NOTCH1: variants seen among roughly 807,000 people sequenced by gnomAD.
NOTCH1 encodes the protein notch receptor 1.
In NOTCH1, 37 loss-of-function variants were observed where a neutral mutation model predicts 254.8. The observed-to-expected ratio is 0.15, with a 90% confidence interval of 0.11 to 0.19. NOTCH1 has a LOEUF of 0.19. Ranked by LOEUF, NOTCH1 falls within the 10% of genes least tolerant of loss-of-function variation. The pLI is 1.00. For missense variants in NOTCH1, 2,972 were observed against 3,708.6 expected (o/e 0.80, Z 5.16); for synonymous variants, 1,731 against 1,618.1 (o/e 1.07, Z -1.68).
intron 2 of NOTCH1, among the ~76,000 whole-genome samples, chr9:136,530,368 G>A (rs972945308): frequency 3.3e-5 from 5 of 152,232 alleles, no homozygotes; most frequent in African/African-American, 1.2e-4. Flanking sequence ...GCGGGATGGG[G>A]ACAGAACCTG....
chr9:136,534,355 T>C (rs1348682485), intron 2 of NOTCH1, among the ~76,000 whole-genome samples: 1 of 152,168 alleles, frequency 6.6e-6, no homozygotes, highest in Non-Finnish European at 1.5e-5. Flanking sequence ...CACAATGGAC[T>C]CCGAGGCCAG....
intron 2 of NOTCH1, among the ~76,000 whole-genome samples, chr9:136,536,037 A>G (rs370117881): frequency 6.0e-5 from 9 of 149,556 alleles, no homozygotes; most frequent in South Asian, 4.3e-4. Flanking sequence ...GGTACAGGGT[A>G]GGGGGGCGCA....
Position 136,506,411 on chromosome 9 carries a change from GGA to G in NOTCH1, c.4014+114_4014+115del. ...AAAAAAAAAAAAGACATCAGGGTGA[GGA>G]GGAGGATGAAGGCCGGGAGGATCAC... On this transcript the variant is annotated intron_variant, in intron 24 of 33. Coordinates refer to ENST00000651671, the MANE Select transcript of NOTCH1 (RefSeq NM_017617.5). This position sits in a 1 kb window ranked among gnomAD's most constrained non-coding sequence, Gnocchi z 4.5. 6.6e-6 allele frequency: 5 copies of G among 758,740 alleles called. No homozygotes were observed. The highest frequency in any genetic ancestry group is 8.7e-6 in the Non-Finnish European group (4 of 460,656). 47.0% of individuals were successfully genotyped at this position (758,740 alleles called of 1,614,324 possible).
Position 136,504,891 on chromosome 9 carries a change from C to T in NOTCH1, c.4800G>A (p.Leu1600=), listed in dbSNP as rs761609069. ...CACGCTTGAAGACCACGTTGGTGTG[C>T]AGCACGCGGCTGAGCTCCCGCAGGA... ...FHFLRELSRV[L]HTNVVFKRDA... The change falls in exon 26 of 34, where the codon CTG becomes CTA. Residue 1600 remains leucine, a synonymous_variant. Coordinates refer to ENST00000651671, the MANE Select transcript of NOTCH1 (RefSeq NM_017617.5). 4.4e-5 allele frequency: 69 copies of T among 1,584,298 alleles called. No homozygotes were observed. Among genetic ancestry groups the T allele is most frequent in the Non-Finnish European group, 5.2e-5 (61 of 1,165,864 alleles).
rs760227470 is a variant in NOTCH1 at position 136,509,834 on chromosome 9, G to A, written c.2868C>T (p.Asn956=). 148 of 1,613,108 alleles carry A rather than the reference G, an allele frequency of 9.2e-5. 1 individual carries two copies. Among genetic ancestry groups the A allele is most frequent in the Non-Finnish European group, 1.2e-4 (138 of 1,180,044 alleles). ...CCACGCAGTCCGTGCAGTTGGCCCC[G>A]TTGCGGCAGGGGTCACTGGCACACT... ...INECASDPCR[N]GANCTDCVDS... The change falls in exon 18 of 34, where the codon AAC becomes AAT. Residue 956 remains asparagine, a synonymous_variant. Coordinates refer to ENST00000651671, the MANE Select transcript of NOTCH1 (RefSeq NM_017617.5).
intron 2 of NOTCH1, chr9:136,543,471 G>A (rs1336876000): frequency 2.1e-5 from 5 of 239,504 alleles, no homozygotes; most frequent in East Asian, 1.4e-4. Flanking sequence ...AGGCATTGCC[G>A]CCAGCCCAGG....
chr9:136,513,060 C>A lies in NOTCH1; in HGVS notation c.2428G>T (p.Val810Phe). 3.7e-6 allele frequency: 6 copies of A among 1,600,006 alleles called. No homozygotes were observed. The highest frequency in any genetic ancestry group is 5.1e-6 in the Non-Finnish European group (6 of 1,172,914). ...CLNQGTCIDD[V>F]AGYKCNCLLP... ...AGGCAGTTGCACTTGTACCCGGCAA[C>A]GTCGTCAATACACGTGCCCTGGTTC... Residue 810 changes from valine to phenylalanine, a missense_variant, in exon 15 of 34, where the codon GTT (valine) becomes TTT (phenylalanine). Around this residue, in one of 8 missense-constraint regions of NOTCH1, gnomAD observed 1,343 missense variants for 1,557.0 expected, o/e 0.86. Coordinates refer to ENST00000651671, the MANE Select transcript of NOTCH1 (RefSeq NM_017617.5). This position sits in a 1 kb window ranked among gnomAD's most constrained non-coding sequence, Gnocchi z 4.7.
At chr9:136,538,411 G>A (rs1297176267) in intron 2 of NOTCH1, among the ~76,000 whole-genome samples, 1 of 152,216 alleles carries the variant, frequency 6.6e-6, no homozygotes, top group Non-Finnish European at 1.5e-5. Flanking sequence ...ATCACATACA[G>A]ATGGGGAAAC....
chr9:136,521,503 G>C (rs564286951), intron 4 of NOTCH1, among the ~76,000 whole-genome samples: 2 of 152,234 alleles, frequency 1.3e-5, no homozygotes, highest in South Asian at 2.1e-4. Flanking sequence ...CTGCACACAG[G>C]TGGCCTTGGA....
In NOTCH1 at chr9:136,508,396, A is replaced by G. The variant is rs750654565; in HGVS notation, c.3172-11T>C. 6.2e-7 allele frequency: 1 copy of G among 1,613,076 alleles called. No homozygotes were observed. Among genetic ancestry groups the G allele is most frequent in the Admixed American group, 1.7e-5 (1 of 60,020 alleles). On this transcript the variant is annotated splice_polypyrimidine_tract_variant and intron_variant, in intron 19 of 33. Coordinates refer to ENST00000651671, the MANE Select transcript of NOTCH1 (RefSeq NM_017617.5). ...CCAGTGCACAAGGTTCTGGGGACAG[A>G]TTGGGGTCAGCTGGGTGCCCGCGCC... is the stretch of plus-strand genomic sequence containing the variant.
At chr9:136,528,997 G>T (rs1843517428) in intron 2 of NOTCH1, among the ~76,000 whole-genome samples, 2 of 152,030 alleles carry the variant, frequency 1.3e-5, no homozygotes, top group South Asian at 4.1e-4. Flanking sequence ...GGGGCTTTCT[G>T]CCCAGAGGGG....
chr9:136,510,587 A>C (rs1260757805), intron 17 of NOTCH1, 66 bp downstream of exon 17: 2 of 1,553,682 alleles, frequency 1.3e-6, no homozygotes, highest in Non-Finnish European at 1.7e-6. Flanking sequence ...ATGCGCACCA[A>C]CCCTGCCCGG....
Position 136,496,168 on chromosome 9 carries a change from G to A in NOTCH1, c.7571C>T (p.Ser2524Phe), listed in dbSNP as rs2133314096. ...CCAGTCGGAGACGTTGGAATGCGGGGACGAGCTGGACCACTGGTCAGGGGA... is the reference window on the plus strand; with the variant it reads ...CCAGTCGGAGACGTTGGAATGCGGGAACGAGCTGGACCACTGGTCAGGGGA... ...PESPDQWSSSSPHSNVSDWSE... is the reference protein window; with the variant it reads ...PESPDQWSSSFPHSNVSDWSE... Residue 2524 changes from serine (S) to phenylalanine (F), a missense_variant, in exon 34 of 34, where the codon TCC becomes TTC. This residue lies in a region of NOTCH1 where 85 missense variants were observed against 126.1 expected (regional missense o/e 0.67). Transcript: ENST00000651671. The A allele has an allele frequency of 6.2e-7, 1 of 1,610,380 alleles. No individual in the cohort carries two copies. Among genetic ancestry groups the A allele is most frequent in the Non-Finnish European group, 8.5e-7 (1 of 1,179,496 alleles).
Position 136,545,730 on chromosome 9 carries a change from T to C in NOTCH1, c.57A>G (p.Ala19=). 1 of 1,427,044 alleles carries C rather than the reference T, an allele frequency of 7.0e-7. No homozygotes were observed. The highest frequency in any genetic ancestry group is 9.1e-7 in the Non-Finnish European group (1 of 1,094,672). The allele number at this position is 1,427,044 out of a possible 1,614,324, so 88.4% of individuals were successfully genotyped here. A position where few individuals can be genotyped will look rare whatever the true frequency, so the allele number is the denominator to read the frequency against. The stretch of plus-strand genomic sequence containing the variant: ...CGCGGGTGGGTGGGCGCCTACCTCG[T>C]GCGGCGAGCGCGGGCAGCAGCGCCA... ...LCLALLPALA[A]RGPRCSQPGE... is the part of the protein sequence containing the mutation. Residue 19 remains alanine, a synonymous_variant, in exon 1 of 34, where the codon GCA becomes GCG. Transcript: ENST00000651671. The surrounding 1 kb of genome is among the most constrained non-coding windows in gnomAD (Gnocchi z 6.8).
At chr9:136,539,575 G>A (rs1321493265) in intron 2 of NOTCH1, among the ~76,000 whole-genome samples, 2 of 152,190 alleles carry the variant, frequency 1.3e-5, no homozygotes, top group Admixed American at 1.3e-4. Context: ...TTTTAGTAGA[G>A]ACGGGGGTTT....
intron 2 of NOTCH1, among the ~76,000 whole-genome samples, chr9:136,539,102 G>C (rs1407305799): frequency 2.0e-5 from 3 of 152,240 alleles, no homozygotes; most frequent in Admixed American, 6.5e-5. Context: ...CCCGCACCCA[G>C]CTCTGCCCTG....
At position 136,501,991 on chromosome 9, in the gene NOTCH1, C is replaced by T. The variant is rs1484527670; in HGVS notation, c.5472+10G>A. 23 of 1,612,520 alleles carry T rather than the reference C, an allele frequency of 1.4e-5. No individual in the cohort carries two copies. Among genetic ancestry groups the T allele is most frequent in the East Asian group, 1.3e-4 (6 of 44,880 alleles). ...CGGGAGCCCAGGAGCCCGGGAGCCT[C>T]GCGACTCACCCGGAACTTCTTGGTC... On this transcript the variant is annotated intron_variant, in intron 29 of 33. Transcript: ENST00000651671.
Position 136,500,859 on chromosome 9 carries a change from G to C in NOTCH1, c.5639-12C>G, listed in dbSNP as rs11574908. 4 of 1,580,610 alleles carry C rather than the reference G, an allele frequency of 2.5e-6. No homozygotes were observed. The South Asian group carries it at 4.5e-5, about 18-fold the overall frequency. On this transcript the variant is annotated splice_polypyrimidine_tract_variant and intron_variant, in intron 30 of 33. Coordinates refer to ENST00000651671, the MANE Select transcript of NOTCH1 (RefSeq NM_017617.5). ...CGGGGTGAAGCCATCTGCAGAGGCA[G>C]AGACGGGTGCTCAGTCTGGAGGGCC...
chr9:136,528,422 GGGATGGGCAGGGA>G (rs1843505567), intron 2 of NOTCH1, among the ~76,000 whole-genome samples: 3 of 100,974 alleles, frequency 3.0e-5, no homozygotes, highest in African/African-American at 1.0e-4. Context: ...CAGTGCGGGG[GGGATGGGCAGGGA>G]CGGTGAGGGG....
Sources: allele counts gnomAD v4.1 joint callset (sites outside exome capture counted in the v4.1 genomes callset), GRCh38; gene constraint gnomAD v4.1.1; regional missense constraint gnomAD v4.1.1; non-coding constraint Gnocchi (gnomAD v3.1); transcripts MANE v1.5; gene names NCBI Gene and HGNC (gene_info 2026-07-23, HGNC 2026-07-21).